Variants in ASTN1 observed in about 807,000 individuals in gnomAD.
The protein encoded by ASTN1 is astrotactin-1.
ASTN1 carries 41 observed loss-of-function variants against 140.7 expected under a neutral mutation model. The ratio of observed to expected loss-of-function variants is 0.29; its 90% confidence interval spans 0.23 to 0.38. ASTN1 has a LOEUF of 0.38. Ranked by LOEUF, ASTN1 falls within the 10% of genes least tolerant of loss-of-function variation. The probability of loss-of-function intolerance (pLI) is 1.00; values close to 1 mark genes in which losing one functional copy is unlikely to be tolerated. For synonymous variants in ASTN1, 640 were observed against 652.2 expected (o/e 0.98, Z 0.29); for missense variants, 1,479 against 1,678.8 (o/e 0.88, Z 2.08).
At chr1:176,906,865 A>G (rs1383724521) in intron 16 of ASTN1, among the ~76,000 whole-genome samples, 2 of 151,952 alleles carry the variant, frequency 1.3e-5, no homozygotes, top group Non-Finnish European at 2.9e-5. Flanking sequence ...AAAAAAGAAA[A>G]AAATATTCTA....
At chr1:176,879,824 C>T (rs1668713563) in intron 20 of ASTN1, among the ~76,000 whole-genome samples, 1 of 152,218 alleles carries the variant, frequency 6.6e-6, no homozygotes, top group Admixed American at 6.5e-5. Context: ...AGGGTCCAGG[C>T]TTGACCTAAG....
Position 176,861,288 on chromosome 1 carries a change from C to A in ASTN1, c.*2996G>T, listed in dbSNP as rs1667950633. ...ACTAAAAAATAATGAACGGACCAAACTCCATGGAAAACGATTGCACACTCA... is the reference window on the plus strand; with the variant it reads ...ACTAAAAAATAATGAACGGACCAAAATCCATGGAAAACGATTGCACACTCA... On this transcript the variant is annotated 3_prime_UTR_variant, in exon 23 of 23. Coordinates refer to ENST00000361833, the MANE Select transcript of ASTN1 (RefSeq NM_004319.3). 3.0e-6 allele frequency: 3 copies of A among 985,648 alleles called. No homozygotes were observed. Among genetic ancestry groups the A allele is most frequent in the Non-Finnish European group, 3.6e-6 (3 of 829,808 alleles). 61.1% of individuals were successfully genotyped at this position (985,648 alleles called of 1,614,324 possible).
chr1:176,969,698 T>G (rs916323851), intron 8 of ASTN1, among the ~76,000 whole-genome samples: 1 of 152,200 alleles, frequency 6.6e-6, no homozygotes, highest in African/African-American at 2.4e-5. Flanking sequence ...GGTTGAACCC[T>G]GCCATCGGAA....
chr1:177,053,870 A>T (rs1163086238), intron 2 of ASTN1, among the ~76,000 whole-genome samples: 1 of 152,182 alleles, frequency 6.6e-6, no homozygotes, highest in Non-Finnish European at 1.5e-5. Flanking sequence ...AGCTGAACAG[A>T]GTCTGAGCTT....
At chr1:177,148,608 G>A (rs1682826496) in intron 1 of ASTN1, among the ~76,000 whole-genome samples, 3 of 151,500 alleles carry the variant, frequency 2.0e-5, no homozygotes, top group Admixed American at 2.0e-4. Context: ...CAACTGATTT[G>A]GCAAGGACTC....
At chr1:176,994,941 A>G (rs1266949191) in intron 8 of ASTN1, among the ~76,000 whole-genome samples, 1 of 152,216 alleles carries the variant, frequency 6.6e-6, no homozygotes, top group African/African-American at 2.4e-5. Flanking sequence ...AAATGAATAA[A>G]TGATGGATGT....
At chr1:177,055,856 T>C (rs540577728) in intron 2 of ASTN1, among the ~76,000 whole-genome samples, 67 of 152,088 alleles carry the variant, frequency 4.4e-4, no homozygotes, top group African/African-American at 1.6e-3. Context: ...TGTTAATGAG[T>C]TTTTGTAACA....
intron 8 of ASTN1, among the ~76,000 whole-genome samples, chr1:176,969,277 T>C (rs970964022): frequency 6.6e-6 from 1 of 152,210 alleles, no homozygotes; most frequent in African/African-American, 2.4e-5. Context: ...CCCTTTGCTC[T>C]GTTTCTCAGA....
In ASTN1 at chr1:177,043,802, G is replaced by A. The variant is rs565355641; in HGVS notation, c.472-10953C>T. Among the ~76,000 whole-genome samples the A allele has an allele frequency of 3.9e-5, 6 of 152,290 alleles. No individual in the cohort carries two copies. In the East Asian group the frequency reaches 1.2e-3, roughly 29 times the overall value. The stretch of plus-strand genomic sequence containing the variant: ...CATCATATGCCAATATCCCTTCCAA[G>A]CCCTTCATTCCTTGCCAGCAAGCTT... On this transcript the variant is annotated intron_variant, in intron 2 of 22. Coordinates refer to ENST00000361833, the MANE Select transcript of ASTN1 (RefSeq NM_004319.3).
chr1:177,036,531 C>G (rs1176829869), intron 2 of ASTN1, among the ~76,000 whole-genome samples: 1 of 152,110 alleles, frequency 6.6e-6, no homozygotes, highest in Non-Finnish European at 1.5e-5. Flanking sequence ...TGGACTATTA[C>G]ATAAATAATA....
chr1:176,894,431 G>A, intron 17 of ASTN1, 131 bp downstream of exon 17: 4 of 1,250,692 alleles, frequency 3.2e-6, no homozygotes, highest in Non-Finnish European at 3.2e-6. Context: ...GCCCAGATTA[G>A]CTAAACAAAA....
At chr1:177,111,293 G>C (rs561212736) in intron 1 of ASTN1, among the ~76,000 whole-genome samples, 1 of 152,102 alleles carries the variant, frequency 6.6e-6, no homozygotes, top group South Asian at 2.1e-4. Context: ...TAATTCCAAA[G>C]ACTGTTTTTT....
intron 1 of ASTN1, among the ~76,000 whole-genome samples, chr1:177,158,679 T>TGC (rs1683349895): frequency 6.6e-6 from 1 of 151,462 alleles, no homozygotes; most frequent in Admixed American, 6.6e-5. Context: ...TGTGTGTGTG[T>TGC]GTGTGTGTGT....
At chr1:176,947,731 A>G (rs529906826) in intron 12 of ASTN1, among the ~76,000 whole-genome samples, 1 of 152,238 alleles carries the variant, frequency 6.6e-6, no homozygotes, top group South Asian at 2.1e-4. Context: ...GAACATCTGG[A>G]CAGCTTCCCC....
chr1:176,868,742 T>C lies in ASTN1; in HGVS notation c.3647+102A>G, dbSNP rs1571432105. On this transcript the variant is annotated intron_variant, in intron 22 of 22. Transcript: ENST00000361833. ...GACTGACTTCTCTGATTGCCTAAGC[T>C]CATCCAGGAAATCTCTACAACTTCA... The C allele has an allele frequency of 1.5e-5, 19 of 1,284,672 alleles. No homozygotes were observed. In the East Asian group the frequency reaches 4.4e-4, roughly 29 times the overall value. The allele number at this position is 1,284,672 out of a possible 1,614,324, so 79.6% of individuals were successfully genotyped here. A position where few individuals can be genotyped will look rare whatever the true frequency, so the allele number is the denominator to read the frequency against.
chr1:176,939,395 C>T (rs1671591844), intron 14 of ASTN1, among the ~76,000 whole-genome samples: 1 of 152,172 alleles, frequency 6.6e-6, no homozygotes, highest in South Asian at 2.1e-4. Context: ...GGCCAAACAA[C>T]CGAACTCCAT....
At chr1:176,998,922 C>T (rs1674588769) in intron 8 of ASTN1, among the ~76,000 whole-genome samples, 1 of 152,198 alleles carries the variant, frequency 6.6e-6, no homozygotes, top group Middle Eastern at 3.2e-3. Flanking sequence ...ACCAAACTTC[C>T]TTGTGCCTTA....
At chr1:176,879,484 T>C (rs1477581912) in intron 20 of ASTN1, among the ~76,000 whole-genome samples, 2 of 152,182 alleles carry the variant, frequency 1.3e-5, no homozygotes, top group African/African-American at 2.4e-5. Flanking sequence ...GGACCCTTAA[T>C]TTCTAAGTGT....
intron 8 of ASTN1, among the ~76,000 whole-genome samples, chr1:176,992,424 A>T (rs577997272): frequency 2.0e-5 from 3 of 151,936 alleles, no homozygotes; most frequent in Admixed American, 1.3e-4. Flanking sequence ...AAAAAAAAAA[A>T]TTTGCCTTGA....
Sources: allele counts gnomAD v4.1 joint callset (sites outside exome capture counted in the v4.1 genomes callset), GRCh38; gene constraint gnomAD v4.1.1; transcripts MANE v1.5; gene names NCBI Gene and HGNC (gene_info 2026-07-23, HGNC 2026-07-21).